Variants in SIPA1L2 observed in about 807,000 individuals in gnomAD.
The protein encoded by SIPA1L2 is signal-induced proliferation-associated 1-like protein 2.
SIPA1L2 carries 56 observed loss-of-function variants against 163.9 expected under a neutral mutation model. The observed-to-expected ratio is 0.34, with a 90% CI of 0.28 to 0.43. The LOEUF (loss-of-function observed/expected upper bound fraction) is 0.43, where lower values mean the gene tolerates loss of function less well. Among genes scored for constraint, SIPA1L2 ranks in the 20% least tolerant of loss-of-function variants. The pLI is 1.00. For synonymous variants in SIPA1L2, 877 were observed against 865.7 expected (o/e 1.01, Z -0.23); for missense variants, 1,974 against 2,193.5 (o/e 0.90, Z 2.00).
rs1268436658 is a variant in SIPA1L2 at position 232,572,746 on chromosome 1, T to TACACAC, written c.-270+1427_-270+1428insGTGTGT. Among the ~76,000 whole-genome samples the TACACAC allele has an allele frequency of 1.1e-3, 98 of 90,392 alleles. 2 individuals carry two copies. The highest frequency in any genetic ancestry group is 1.7e-3 in the African/African-American group (38 of 21,868). 59.3% of individuals were successfully genotyped at this position (90,392 alleles called of 152,430 possible). ...ACATATATACATACATACATATATA[T>TACACAC]ATATATATATATATATATATATATA... On this transcript the variant is annotated intron_variant, in intron 2 of 22. Coordinates refer to ENST00000674635, the MANE Select transcript of SIPA1L2 (RefSeq NM_020808.5).
intron 3 of SIPA1L2, among the ~76,000 whole-genome samples, chr1:232,501,159 G>T (rs59001739): frequency 6.9e-6 from 1 of 144,078 alleles, no homozygotes; most frequent in Non-Finnish European, 1.5e-5. Context: ...CCAGGTTCAC[G>T]ACGTTCTCCT....
At chr1:232,524,355 C>A (rs1006343703) in intron 2 of SIPA1L2, among the ~76,000 whole-genome samples, 1 of 152,176 alleles carries the variant, frequency 6.6e-6, no homozygotes, top group Admixed American at 6.5e-5. Flanking sequence ...GTCACACATG[C>A]ATGTCACACA....
chr1:232,602,262 G>T (rs1454905052), intron 1 of SIPA1L2, among the ~76,000 whole-genome samples: 1 of 152,186 alleles, frequency 6.6e-6, no homozygotes, highest in African/African-American at 2.4e-5. Context: ...GAGGAGAGGG[G>T]AGGCTCTGAG....
chr1:232,601,659 T>C (rs1336320897), intron 1 of SIPA1L2, among the ~76,000 whole-genome samples: 1 of 152,210 alleles, frequency 6.6e-6, no homozygotes, highest in East Asian at 1.9e-4. Flanking sequence ...TTTAATGGCA[T>C]AGATGCTCTT....
chr1:232,438,684 T>G (rs1411579308), intron 15 of SIPA1L2, among the ~76,000 whole-genome samples: 1 of 152,212 alleles, frequency 6.6e-6, no homozygotes, highest in Non-Finnish European at 1.5e-5. Context: ...AGGGAGGAAG[T>G]GTGTGCATGC....
At chr1:232,448,066 C>A (rs377659995) in intron 10 of SIPA1L2, among the ~76,000 whole-genome samples, 1 of 152,182 alleles carries the variant, frequency 6.6e-6, no homozygotes, top group Admixed American at 6.5e-5. Context: ...CTTAAACTGG[C>A]ATCACAGCTC....
intron 5 of SIPA1L2, among the ~76,000 whole-genome samples, chr1:232,488,398 C>A (rs1303411593): frequency 1.3e-5 from 2 of 152,146 alleles, no homozygotes. Flanking sequence ...TCTCCACCAC[C>A]CTAACAGGTT....
intron 19 of SIPA1L2, among the ~76,000 whole-genome samples, 153 bp from the exon 20 acceptor site, chr1:232,404,331 A>G (rs1038552411): frequency 1.3e-5 from 2 of 152,126 alleles, no homozygotes; most frequent in African/African-American, 4.8e-5. Context: ...ACTCCAATGC[A>G]ATGAGATGAC....
At chr1:232,618,395 C>T (rs1175924460) in intron 1 of SIPA1L2, among the ~76,000 whole-genome samples, 2 of 152,168 alleles carry the variant, frequency 1.3e-5, no homozygotes, top group African/African-American at 2.4e-5. Context: ...GTGGCTCACA[C>T]CTGTAATCCC....
At chr1:232,580,651 A>T (rs1332689768) in intron 1 of SIPA1L2, among the ~76,000 whole-genome samples, 1 of 152,190 alleles carries the variant, frequency 6.6e-6, no homozygotes, top group Admixed American at 6.5e-5. Flanking sequence ...AGCAGCCCTC[A>T]GACAGAATGG....
chr1:232,408,538 A>G (rs1313122825), intron 19 of SIPA1L2, among the ~76,000 whole-genome samples: 1 of 152,164 alleles, frequency 6.6e-6, no homozygotes, highest in African/African-American at 2.4e-5. Flanking sequence ...AGCTGTGAGT[A>G]TTCTTCATAG....
Position 232,514,716 on chromosome 1 carries a change from A to G in SIPA1L2, c.624T>C (p.Phe208=). 1 of 1,614,188 alleles carries G rather than the reference A, an allele frequency of 6.2e-7. No individual in the cohort carries two copies. Among genetic ancestry groups the G allele is most frequent in the Non-Finnish European group, 8.5e-7 (1 of 1,180,020 alleles). Residue 208 remains phenylalanine, a synonymous_variant, in exon 3 of 23, where the codon TTT becomes TTC. Transcript: ENST00000674635. ...CTCGGTACCCTCTGAGCATAGCAAA[A>G]AAGTTTTCACCAGATAAGCCTTGCC... ...IDRQGLSGEN[F]FAMLRGYRVE... is the part of the protein sequence containing the mutation.
chr1:232,434,543 C>G (rs985673419), intron 15 of SIPA1L2, among the ~76,000 whole-genome samples: 2 of 151,986 alleles, frequency 1.3e-5, no homozygotes, highest in African/African-American at 4.8e-5. Flanking sequence ...GTCGGGAGAA[C>G]AGTAAAGCAA....
At chr1:232,409,457 C>A (rs1006126125) in intron 19 of SIPA1L2, among the ~76,000 whole-genome samples, 9 of 152,158 alleles carry the variant, frequency 5.9e-5, no homozygotes, top group Non-Finnish European at 1.2e-4. Flanking sequence ...CCTGTGTGCA[C>A]CTGCCATCAA....
chr1:232,517,966 G>C (rs910454614), intron 2 of SIPA1L2, among the ~76,000 whole-genome samples: 6 of 152,092 alleles, frequency 3.9e-5, no homozygotes, highest in Non-Finnish European at 8.8e-5. Flanking sequence ...AGGATCCCTT[G>C]AGCCCAGGAA....
intron 2 of SIPA1L2, among the ~76,000 whole-genome samples, chr1:232,525,173 T>C (rs2103068936): frequency 6.6e-6 from 1 of 151,982 alleles, no homozygotes; most frequent in Non-Finnish European, 1.5e-5. Context: ...ATGGCAGGTA[T>C]TTACAAAAAT....
intron 2 of SIPA1L2, among the ~76,000 whole-genome samples, chr1:232,528,802 C>T (rs981043589): frequency 6.6e-6 from 1 of 152,186 alleles, no homozygotes; most frequent in Admixed American, 6.5e-5. Flanking sequence ...GCATACCACC[C>T]TCAAATAACA....
At chr1:232,472,173 C>T (rs1046912044) in intron 7 of SIPA1L2, among the ~76,000 whole-genome samples, 54 of 152,212 alleles carry the variant, frequency 3.5e-4, no homozygotes, top group African/African-American at 1.2e-3. Context: ...ACTTGACCAA[C>T]GCCTTTACTT....
intron 10 of SIPA1L2, among the ~76,000 whole-genome samples, chr1:232,455,674 C>T (rs1286834072): frequency 6.8e-6 from 1 of 146,478 alleles, no homozygotes; most frequent in Non-Finnish European, 1.5e-5. Context: ...GAGATCGCGC[C>T]ACTGCACTCC....
Sources: allele counts gnomAD v4.1 joint callset (sites outside exome capture counted in the v4.1 genomes callset), GRCh38; gene constraint gnomAD v4.1.1; transcripts MANE v1.5; gene names NCBI Gene and HGNC (gene_info 2026-07-23, HGNC 2026-07-21).